GPR158: variants seen among roughly 807,000 people sequenced by gnomAD.
GPR158 encodes the protein metabotropic glycine receptor.
A neutral mutation model predicts 78.2 loss-of-function variants in GPR158; 30 were observed. The observed-to-expected ratio is 0.38, with a 90% CI of 0.29 to 0.52. GPR158 has a LOEUF of 0.52. Among genes scored for constraint, GPR158 ranks in the 20% least tolerant of loss-of-function variants. The pLI, the probability that GPR158 is intolerant of heterozygous loss-of-function variation, is 0.83. For synonymous variants in GPR158, 581 were observed against 591.1 expected (o/e 0.98, Z 0.25); for missense variants, 1,463 against 1,523.5 (o/e 0.96, Z 0.66).
At chr10:25,513,915 T>C (rs1034145203) in intron 5 of GPR158, among the ~76,000 whole-genome samples, 22 of 152,284 alleles carry the variant, frequency 1.4e-4, no homozygotes, top group African/African-American at 4.3e-4. Context: ...TTTAAATTTA[T>C]TGGGACTTGT....
intron 1 of GPR158, among the ~76,000 whole-genome samples, chr10:25,196,348 A>C (rs1221954468): frequency 1.3e-5 from 2 of 151,114 alleles, no homozygotes; most frequent in African/African-American, 2.4e-5. Context: ...ATTATTTTTC[A>C]TAGTTGTCTG....
chr10:25,592,038 A>G (rs568767939), intron 8 of GPR158, among the ~76,000 whole-genome samples: 13 of 152,182 alleles, frequency 8.5e-5, no homozygotes, highest in Middle Eastern at 3.4e-3. Flanking sequence ...AAGCAATAAC[A>G]TAATAATTTA....
At chr10:25,260,908 TG>T (rs1291445107) in intron 2 of GPR158, among the ~76,000 whole-genome samples, 1 of 152,104 alleles carries the variant, frequency 6.6e-6, no homozygotes, top group Non-Finnish European at 1.5e-5. Context: ...AAGAAAAAAA[TG>T]TTTTAAAAGT....
intron 2 of GPR158, among the ~76,000 whole-genome samples, chr10:25,338,541 A>G (rs1245405158): frequency 8.0e-5 from 5 of 62,604 alleles, no homozygotes; most frequent in Non-Finnish European, 2.7e-4. Context: ...TATATTATAT[A>G]TACGTAATAT....
chr10:25,322,956 C>A (rs917577125), intron 2 of GPR158, among the ~76,000 whole-genome samples: 1 of 152,148 alleles, frequency 6.6e-6, no homozygotes, highest in Non-Finnish European at 1.5e-5. Context: ...ACGCCATTCT[C>A]CTGCCTCAGC....
chr10:25,202,907 C>T (rs537658010), intron 1 of GPR158, among the ~76,000 whole-genome samples: 4 of 152,186 alleles, frequency 2.6e-5, no homozygotes, highest in Non-Finnish European at 5.9e-5. Context: ...CGTGTCCTCT[C>T]CAGCACCTGT....
In GPR158 at chr10:25,279,276, G is replaced by A. The variant is rs1173592775; in HGVS notation, c.1008+58119G>A. Among the ~76,000 whole-genome samples, 8 of 152,164 alleles carry A rather than the reference G, an allele frequency of 5.3e-5. No individual in the cohort carries two copies. In the East Asian group the frequency reaches 5.8e-4, roughly 11 times the overall value. ...TGTATGTATATTAATGGAAATTGAC[G>A]GCCATAATAACCTTATGAGGTTAGT... is the stretch of plus-strand genomic sequence containing the variant. On this transcript the variant is annotated intron_variant, in intron 2 of 10. Coordinates refer to ENST00000376351, the MANE Select transcript of GPR158 (RefSeq NM_020752.3).
At chr10:25,480,702 A>G (rs1360922214) in intron 5 of GPR158, among the ~76,000 whole-genome samples, 3 of 152,186 alleles carry the variant, frequency 2.0e-5, no homozygotes, top group Non-Finnish European at 1.5e-5. Context: ...ATTTTATTGT[A>G]GATATATACC....
chr10:25,495,293 T>C (rs1022753580), intron 5 of GPR158, among the ~76,000 whole-genome samples: 2 of 130,836 alleles, frequency 1.5e-5, no homozygotes, highest in Non-Finnish European at 3.2e-5. Context: ...CATTCTTTTC[T>C]GCTTTTTTTT....
intron 2 of GPR158, among the ~76,000 whole-genome samples, chr10:25,336,481 C>G (rs1212030826): frequency 1.3e-5 from 2 of 151,950 alleles, no homozygotes; most frequent in African/African-American, 2.4e-5. Flanking sequence ...CTACTTTCCC[C>G]CCAGTGCCTC....
At chr10:25,293,940 T>C (rs1177072433) in intron 2 of GPR158, among the ~76,000 whole-genome samples, 1 of 152,050 alleles carries the variant, frequency 6.6e-6, no homozygotes, top group African/African-American at 2.4e-5. Flanking sequence ...AGAGACAGGG[T>C]TTCACCATGT....
intron 2 of GPR158, among the ~76,000 whole-genome samples, chr10:25,336,223 CAATT>C (rs1210917430): frequency 6.6e-6 from 1 of 151,924 alleles, no homozygotes. Context: ...ATGGATAAAT[CAATT>C]CTTTATTTGA....
intron 9 of GPR158, among the ~76,000 whole-genome samples, chr10:25,596,417 C>A (rs1416951919): frequency 1.3e-5 from 2 of 151,974 alleles, no homozygotes; most frequent in African/African-American, 4.8e-5. Context: ...TATGACCATG[C>A]CTGTGAATAG....
At chr10:25,215,057 A>G (rs939559023) in intron 1 of GPR158, among the ~76,000 whole-genome samples, 6 of 152,308 alleles carry the variant, frequency 3.9e-5, no homozygotes, top group Non-Finnish European at 7.4e-5. Flanking sequence ...TTTGTTAAAA[A>G]TCTAAGCGGC....
At chr10:25,416,283 A>G (rs1293641395) in intron 4 of GPR158, among the ~76,000 whole-genome samples, 1 of 152,156 alleles carries the variant, frequency 6.6e-6, no homozygotes, top group Non-Finnish European at 1.5e-5. Context: ...TGAAGTAGGT[A>G]CCCAAGCTCC....
At chr10:25,539,839 T>G (rs1048550399) in intron 5 of GPR158, among the ~76,000 whole-genome samples, 2 of 152,292 alleles carry the variant, frequency 1.3e-5, no homozygotes, top group Admixed American at 6.5e-5. Flanking sequence ...CCAAAATTAC[T>G]ATGGAATCAA....
intron 2 of GPR158, among the ~76,000 whole-genome samples, chr10:25,342,305 G>C (rs980808226): frequency 6.6e-6 from 1 of 151,572 alleles, no homozygotes; most frequent in African/African-American, 2.4e-5. Context: ...AATCCCTGCT[G>C]CCTTACATCA....
At chr10:25,271,396 G>A (rs1854116915) in intron 2 of GPR158, among the ~76,000 whole-genome samples, 1 of 151,866 alleles carries the variant, frequency 6.6e-6, no homozygotes, top group Non-Finnish European at 1.5e-5. Flanking sequence ...TTAATTTTTA[G>A]CATAATTCTA....
At chr10:25,498,090 G>A (rs1485412889) in intron 5 of GPR158, among the ~76,000 whole-genome samples, 3 of 152,190 alleles carry the variant, frequency 2.0e-5, no homozygotes, top group Non-Finnish European at 4.4e-5. Context: ...TTTGCTTAAT[G>A]TATATTGTAC....
Sources: gnomAD v4.1 joint callset for allele counts (sites outside exome capture counted in the v4.1 genomes callset) on GRCh38, gnomAD v4.1.1 for gene constraint, MANE v1.5 for transcripts, NCBI Gene and HGNC (gene_info 2026-07-23, HGNC 2026-07-21) for gene names.